Variants in SLC12A9 observed in about 807,000 individuals in gnomAD.
The protein encoded by SLC12A9 is solute carrier family 12 member 9, also known as CCC-interacting protein 1.
A neutral mutation model predicts 66.0 loss-of-function variants in SLC12A9; 55 were observed. The observed-to-expected ratio is 0.83, with a 90% CI of 0.67 to 1.04. The LOEUF is 1.04. SLC12A9 is among the 50% of genes least tolerant of loss of function. SLC12A9 has a pLI of 0.00. For synonymous variants in SLC12A9, 577 were observed against 569.0 expected, an observed-to-expected ratio of 1.01 and a Z score of -0.20; for missense variants, 1,061 against 1,241.9, an observed-to-expected ratio of 0.85 and a Z score of 2.19.
intron 1 of SLC12A9, among the ~76,000 whole-genome samples, chr7:100,838,213 C>T (rs1813708397): frequency 6.6e-6 from 1 of 152,114 alleles, no homozygotes; most frequent in South Asian, 2.1e-4. Flanking sequence ...GTTGCCCAGG[C>T]TGGTCTCACA....
At position 100,866,952 on chromosome 7, in the gene SLC12A9, T is replaced by C. The variant is rs1669853629; in HGVS notation, c.*347T>C. Reference sequence around the variant, plus strand: ...TCACCGGCCCACTGGGGTGGTGATGTTTTCGTTCTGTTTTATTTTTCTAAC... The same window carrying C: ...TCACCGGCCCACTGGGGTGGTGATGCTTTCGTTCTGTTTTATTTTTCTAAC... On this transcript the variant is annotated 3_prime_UTR_variant, in exon 14 of 14. Coordinates refer to ENST00000354161, the MANE Select transcript of SLC12A9 (RefSeq NM_020246.4). This position sits in a 1 kb window ranked among gnomAD's most constrained non-coding sequence, Gnocchi z 7.3. 1 of 290,354 alleles carries C rather than the reference T, an allele frequency of 3.4e-6. No individual in the cohort carries two copies. The highest frequency in any genetic ancestry group is 6.1e-5 in the East Asian group (1 of 16,424). The allele number at this position is 290,354 out of a possible 1,614,324, so 18.0% of individuals were successfully genotyped here.
At chr7:100,841,713 C>A (rs769663099) in intron 1 of SLC12A9, among the ~76,000 whole-genome samples, 1 of 151,460 alleles carries the variant, frequency 6.6e-6, no homozygotes, top group Non-Finnish European at 1.5e-5. Flanking sequence ...TCATAACACA[C>A]GAATATAAAG....
chr7:100,834,231 C>T (rs1002790625), intron 1 of SLC12A9, among the ~76,000 whole-genome samples: 11 of 152,002 alleles, frequency 7.2e-5, no homozygotes, highest in African/African-American at 2.7e-4. Flanking sequence ...GTTGTGAGGT[C>T]GCCCCATTCA....
intron 1 of SLC12A9, among the ~76,000 whole-genome samples, chr7:100,831,175 C>T (rs988590002): frequency 6.6e-6 from 1 of 152,040 alleles, no homozygotes; most frequent in African/African-American, 2.4e-5. Context: ...TTTTTCTTTT[C>T]TTTTGTATTT....
Position 100,856,817 on chromosome 7 carries a change from G to A in SLC12A9, c.449-51G>A, listed in dbSNP as rs370934661. On this transcript the variant is annotated intron_variant, in intron 4 of 13. Transcript: ENST00000354161. ...GTGAGCCGCCCACCATGCCCGGCTG[G>A]TGGGGTGCCTTAGGATCGGGCCTTC... 4.4e-5 allele frequency: 66 copies of A among 1,507,574 alleles called. No individual in the cohort carries two copies. In the African/African-American group the frequency reaches 8.9e-4, roughly 20 times the overall value. 93.4% of individuals were successfully genotyped at this position (1,507,574 alleles called of 1,614,324 possible).
upstream of SLC12A9, among the ~76,000 whole-genome samples, chr7:100,847,830 A>G (rs1813951433): frequency 6.6e-6 from 1 of 151,992 alleles, no homozygotes; most frequent in South Asian, 2.1e-4. Flanking sequence ...TCACGCCTGT[A>G]ATCCTAACAC....
chr7:100,832,156 C>T (rs566996741), intron 1 of SLC12A9, among the ~76,000 whole-genome samples: 8 of 152,184 alleles, frequency 5.3e-5, no homozygotes, highest in African/African-American at 1.7e-4. Flanking sequence ...GCCGAGATCG[C>T]GCCACTGCAC....
At chr7:100,834,006 A>G (rs1227032741) in intron 1 of SLC12A9, among the ~76,000 whole-genome samples, 1 of 151,048 alleles carries the variant, frequency 6.6e-6, no homozygotes, top group Non-Finnish European at 1.5e-5. Context: ...GTCATTTTCT[A>G]CCTTCCAGGA....
At chr7:100,843,125 ACT>A (rs201798879) in intron 1 of SLC12A9, among the ~76,000 whole-genome samples, 4,489 of 152,272 alleles carry the variant, frequency 0.029, 113 homozygotes, top group Middle Eastern at 0.071. Flanking sequence ...TTTACTAGGC[ACT>A]CTGCCGAATA....
intron 1 of SLC12A9, among the ~76,000 whole-genome samples, chr7:100,831,637 A>T (rs762226825): frequency 2.0e-5 from 3 of 152,136 alleles, no homozygotes; most frequent in Non-Finnish European, 4.4e-5. Flanking sequence ...ATGCCCGGCT[A>T]ATAAGTTTAC....
rs1228141359 is a variant in SLC12A9 at position 100,861,991 on chromosome 7, G to C, written c.1711+80G>C. ...TTTTTTTTTTTTGAGATGGAGCTTC[G>C]TTCTGTTGCCCAGGCTGGAGTGCAG... On this transcript the variant is annotated intron_variant, in intron 12 of 13. Coordinates refer to ENST00000354161, the MANE Select transcript of SLC12A9 (RefSeq NM_020246.4). The surrounding 1 kb of genome is among the most constrained non-coding windows in gnomAD (Gnocchi z 5.3). The C allele has an allele frequency of 2.8e-6, 4 of 1,408,758 alleles. No homozygotes were observed. Among genetic ancestry groups the C allele is most frequent in the East Asian group, 2.5e-5 (1 of 40,066 alleles). 87.3% of individuals were successfully genotyped at this position (1,408,758 alleles called of 1,614,324 possible).
At position 100,857,139 on chromosome 7, in the gene SLC12A9, C is replaced by T. The variant is rs1430201014; in HGVS notation, c.720C>T (p.Thr240=). The T allele has an allele frequency of 2.4e-5, 39 of 1,613,906 alleles. 1 individual carries two copies. The highest frequency in any genetic ancestry group is 1.6e-4 in the Middle Eastern group (1 of 6,074). The change falls in exon 5 of 14, where the codon ACC becomes ACT. Residue 240 remains threonine, a synonymous_variant. Transcript: ENST00000354161. ...TGCCGCCCCGGTTTGGCCACTTCAC[C>T]GGCTTCAACAGCAGTACCCTGAAGG... ...SSLPPRFGHF[T]GFNSSTLKDN... is the part of the protein sequence containing the mutation.
chr7:100,861,340 T>TCGTGTG lies in SLC12A9; in HGVS notation c.1344-49_1344-44dup. 1 of 1,611,370 alleles carries TCGTGTG rather than the reference T, an allele frequency of 6.2e-7. No homozygotes were observed. The highest frequency in any genetic ancestry group is 8.5e-7 in the Non-Finnish European group (1 of 1,177,938). ...AGGCGTGGGGCTGGGGACTGCAGCCTCGTGTGCGGCCTGCCCTGAGTTTCT... is the reference window on the plus strand; with the variant it reads ...AGGCGTGGGGCTGGGGACTGCAGCCTCGTGTGCGTGTGCGGCCTGCCCTGAGTTTCT... On this transcript the variant is annotated intron_variant, in intron 10 of 13. Transcript: ENST00000354161. This position sits in a 1 kb window ranked among gnomAD's most constrained non-coding sequence, Gnocchi z 5.3.
At chr7:100,832,445 C>T (rs563833633) in intron 1 of SLC12A9, among the ~76,000 whole-genome samples, 1 of 151,898 alleles carries the variant, frequency 6.6e-6, no homozygotes, top group East Asian at 1.9e-4. Context: ...CCTGAGAGGT[C>T]TAGGCTGCAG....
chr7:100,845,819 C>T (rs1393451706), intron 1 of SLC12A9, among the ~76,000 whole-genome samples: 19 of 152,194 alleles, frequency 1.2e-4, no homozygotes. Context: ...GCTACTTAGA[C>T]ACAAGACGGC....
chr7:100,858,704 G>A, intron 5 of SLC12A9, 131 bp from the exon 6 acceptor site: 1 of 792,264 alleles, frequency 1.3e-6, no homozygotes, highest in Admixed American at 2.2e-5. Flanking sequence ...TGCAGGAACA[G>A]GCTGGGGTCT....
chr7:100,866,549 C>A lies in SLC12A9; in HGVS notation c.2689C>A (p.Leu897Met). 6.3e-7 allele frequency: 1 copy of A among 1,586,948 alleles called. No individual in the cohort carries two copies. The highest frequency in any genetic ancestry group is 8.6e-7 in the Non-Finnish European group (1 of 1,167,878). ...LALLETLTRD[L>M]GPTLLVHGVT... ...GCTACTGGAGACTCTAACCCGAGAC[C>A]TGGGCCCCACGCTGCTGGTTCATGG... is the stretch of plus-strand genomic sequence containing the variant. The change falls in exon 14 of 14, where the codon CTG (leucine) becomes ATG (methionine). Residue 897 changes from leucine (L) to methionine (M), a missense_variant. Coordinates refer to ENST00000354161, the MANE Select transcript of SLC12A9 (RefSeq NM_020246.4). The surrounding 1 kb of genome is among the most constrained non-coding windows in gnomAD (Gnocchi z 7.3).
intron 13 of SLC12A9, among the ~76,000 whole-genome samples, chr7:100,864,537 C>CAGCCTGTTCAAGGG (rs11267282): frequency 1.3e-5 from 2 of 151,910 alleles, no homozygotes; most frequent in Non-Finnish European, 2.9e-5. Context: ...CCTGTAAACT[C>CAGCCTGTTCAAGGG]AGCAATTATC....
intron 1 of SLC12A9, among the ~76,000 whole-genome samples, chr7:100,834,541 G>T (rs895165104): frequency 6.6e-6 from 1 of 152,180 alleles, no homozygotes; most frequent in Non-Finnish European, 1.5e-5. Flanking sequence ...GTGTGAGTGT[G>T]TGTGTGTTGG....
Sources: allele counts gnomAD v4.1 joint callset (sites outside exome capture counted in the v4.1 genomes callset), GRCh38; gene constraint gnomAD v4.1.1; non-coding constraint Gnocchi (gnomAD v3.1); transcripts MANE v1.5; gene names NCBI Gene and HGNC (gene_info 2026-07-23, HGNC 2026-07-21).